MBIP: variants seen among roughly 807,000 people sequenced by gnomAD.
The protein encoded by MBIP is MAP3K12-binding inhibitory protein 1.
Under a neutral mutation model 45.7 loss-of-function variants are expected in MBIP, and 32 were observed. That is an observed-to-expected ratio of 0.70 (90% CI 0.53 to 0.94). MBIP has a LOEUF of 0.94. Among genes scored for constraint, MBIP ranks in the 40% least tolerant of loss-of-function variants. The pLI, the probability that MBIP is intolerant of heterozygous loss-of-function variation, is 0.00. For synonymous variants in MBIP, 145 were observed against 141.0 expected (o/e 1.03, Z -0.20); for missense variants, 381 against 405.5 (o/e 0.94, Z 0.52).
chr14:36,300,756 G>A (rs1411514621), intron 8 of MBIP, 29 bp downstream of exon 8: 1 of 1,510,028 alleles, frequency 6.6e-7, no homozygotes, highest in Non-Finnish European at 9.0e-7. Flanking sequence ...AACTATTTCA[G>A]AAACCAAAAT....
intron 7 of MBIP, chr14:36,305,364 C>G (rs77565699): frequency 6.6e-6 from 1 of 152,004 alleles, no homozygotes; most frequent in Non-Finnish European, 1.5e-5. Flanking sequence ...TTCCTTGTAG[C>G]TCACTACTAA....
chr14:36,316,017 T>C (rs186750004), intron 2 of MBIP, among the ~76,000 whole-genome samples: 21 of 152,222 alleles, frequency 1.4e-4, no homozygotes, highest in East Asian at 3.9e-4. Flanking sequence ...TCAATTATAA[T>C]TGCAAAGATG....
intron 4 of MBIP, chr14:36,313,889 T>C (rs1245729638): frequency 6.6e-6 from 1 of 152,144 alleles, no homozygotes; most frequent in Non-Finnish European, 1.5e-5. Flanking sequence ...TGGCACTGCA[T>C]TGCAATATTT....
At chr14:36,301,424 T>C (rs1261342759) in intron 7 of MBIP, among the ~76,000 whole-genome samples, 1 of 152,170 alleles carries the variant, frequency 6.6e-6, no homozygotes, top group East Asian at 1.9e-4. Context: ...CTGCTGGAGA[T>C]TAAGAGGAGA....
intron 7 of MBIP, among the ~76,000 whole-genome samples, chr14:36,306,128 T>G (rs79189309): frequency 0.05 from 7,561 of 152,236 alleles, 576 homozygotes; most frequent in African/African-American, 0.17. Flanking sequence ...AGCATAGCAC[T>G]TAAGGTCCTA....
intron 5 of MBIP, 80 bp downstream of exon 5, chr14:36,311,879 T>C: frequency 3.1e-6 from 4 of 1,271,076 alleles, no homozygotes; most frequent in South Asian, 2.9e-5. Context: ...AAAATTTAGA[T>C]GGGAAAGTTA....
intron 7 of MBIP, among the ~76,000 whole-genome samples, chr14:36,306,227 T>G (rs533680830): frequency 2.8e-3 from 421 of 152,118 alleles, no homozygotes; most frequent in African/African-American, 9.9e-3. Flanking sequence ...TGGAGGGCTT[T>G]TTTTTTTGTT....
chr14:36,319,103 T>C (rs1426279050), intron 1 of MBIP, among the ~76,000 whole-genome samples: 2 of 151,396 alleles, frequency 1.3e-5, no homozygotes, highest in Non-Finnish European at 2.9e-5. Context: ...TTCTAATGAG[T>C]TTGAAAAATT....
Position 36,311,567 on chromosome 14 carries a change from G to C in MBIP, c.790+6C>G, listed in dbSNP as rs17104349. On this transcript the variant is annotated splice_donor_region_variant and intron_variant, in intron 6 of 8. Transcript: ENST00000416007. The stretch of plus-strand genomic sequence containing the variant: ...ATTATGAGGTGCCACTTAGCACTTT[G>C]CTTACCTGTCTGTAACCGCAAGTGG... The C allele has an allele frequency of 1.2e-6, 2 of 1,606,432 alleles. No homozygotes were observed. The highest frequency in any genetic ancestry group is 2.2e-5 in the East Asian group (1 of 44,764).
In MBIP at chr14:36,311,950, G is replaced by A. The variant is rs1373380146; in HGVS notation, c.637+9C>T. ...TCAGTGACTCAGATGTCATGTGGTG[G>A]TTACTTACCTTTTACGTGACTTTTA... On this transcript the variant is annotated intron_variant, in intron 5 of 8. Transcript: ENST00000416007. The A allele has an allele frequency of 6.3e-7, 1 of 1,580,250 alleles. No individual in the cohort carries two copies. Among genetic ancestry groups the A allele is most frequent in the Non-Finnish European group, 8.6e-7 (1 of 1,161,512 alleles).
At chr14:36,318,723 T>C (rs1880716366) in intron 1 of MBIP, among the ~76,000 whole-genome samples, 2 of 152,030 alleles carry the variant, frequency 1.3e-5, no homozygotes, top group South Asian at 2.1e-4. Context: ...TTCAGTTTTA[T>C]GTTTCCTACT....
intron 6 of MBIP, among the ~76,000 whole-genome samples, 179 bp from the exon 7 acceptor site, chr14:36,308,368 T>C (rs1880007025): frequency 6.6e-6 from 1 of 152,216 alleles, no homozygotes; most frequent in South Asian, 2.1e-4. Context: ...TTATACACTA[T>C]CGGACATATT....
chr14:36,315,021 TCA>T (rs1409408284), intron 2 of MBIP, 106 bp from the exon 3 acceptor site: 6 of 689,386 alleles, frequency 8.7e-6, no homozygotes, highest in Non-Finnish European at 1.5e-5. Flanking sequence ...ATACTTAATA[TCA>T]GTTAATAAAT....
chr14:36,310,214 C>T (rs535908984), intron 6 of MBIP, among the ~76,000 whole-genome samples: 23 of 152,334 alleles, frequency 1.5e-4, no homozygotes, highest in African/African-American at 4.8e-4. Context: ...TGTCTTATTA[C>T]TCTCAAAGAC....
At chr14:36,308,422 T>C (rs1880009910) in intron 6 of MBIP, among the ~76,000 whole-genome samples, 1 of 152,234 alleles carries the variant, frequency 6.6e-6, no homozygotes, top group Non-Finnish European at 1.5e-5. Context: ...GCTTCCTATA[T>C]TCTAGGAGTT....
Position 36,316,786 on chromosome 14 carries a change from T to A in MBIP, c.156A>T (p.Lys52Asn), listed in dbSNP as rs200684489. 1 of 1,612,066 alleles carries A rather than the reference T, an allele frequency of 6.2e-7. No individual in the cohort carries two copies. The highest frequency in any genetic ancestry group is 8.5e-7 in the Non-Finnish European group (1 of 1,178,976). ...GGAGCTTGTTCCAATCGATTGTAAT[T>A]TTCACCACATCATCTCTGAGGTCAA... ...GQLDLRDDVV[K>N]ITIDWNKLQS... is the part of the protein sequence containing the mutation. The change falls in exon 2 of 9, where the codon AAA becomes AAT. Residue 52 changes from lysine (K) to asparagine (N), a missense_variant. Physicochemically the swap from Lys to Asn is moderately conservative, Grantham distance 94 (BLOSUM62 0). Transcript: ENST00000416007.
rs375176822 is a variant in MBIP at position 36,312,032 on chromosome 14, G to A, written c.572-8C>T. The A allele has an allele frequency of 3.0e-5, 45 of 1,523,300 alleles. No individual in the cohort carries two copies. The African/African-American group carries it at 5.4e-4, about 18-fold the overall frequency. The allele number at this position is 1,523,300 out of a possible 1,614,324, so 94.4% of individuals were successfully genotyped here. A position where few individuals can be genotyped will look rare whatever the true frequency, so the allele number is the denominator to read the frequency against. On this transcript the variant is annotated splice_region_variant and splice_polypyrimidine_tract_variant and intron_variant, in intron 4 of 8. Transcript: ENST00000416007. ...TTCTTGCACAACTATTTTCTAAGGA[G>A]AATTTAGATAAATATAAGTTTAAAT...
At chr14:36,306,997 C>G (rs1250422510) in intron 7 of MBIP, among the ~76,000 whole-genome samples, 1 of 152,166 alleles carries the variant, frequency 6.6e-6, no homozygotes, top group East Asian at 1.9e-4. Flanking sequence ...TAAATAAATG[C>G]CAATGAGGTT....
At chr14:36,319,065 C>T (rs965742197) in intron 1 of MBIP, among the ~76,000 whole-genome samples, 3 of 151,962 alleles carry the variant, frequency 2.0e-5, no homozygotes, top group African/African-American at 7.3e-5. Context: ...CACTTCTTTA[C>T]TTGTACAGTA....
Sources: allele counts gnomAD v4.1 joint callset (sites outside exome capture counted in the v4.1 genomes callset), GRCh38; gene constraint gnomAD v4.1.1; transcripts MANE v1.5; gene names NCBI Gene and HGNC (gene_info 2026-07-23, HGNC 2026-07-21).